Variants in AOX1 observed in about 807,000 individuals in gnomAD.
The protein encoded by AOX1 is aldehyde oxidase 1, also known as aldehyde oxidase.
A neutral mutation model predicts 169.5 loss-of-function variants in AOX1; 153 were observed. That is an observed-to-expected ratio of 0.90 (90% CI 0.79 to 1.03). The LOEUF (loss-of-function observed/expected upper bound fraction) is 1.03, where lower values mean the gene tolerates loss of function less well. AOX1 is among the 50% of genes least tolerant of loss of function. The probability of loss-of-function intolerance (pLI) is 0.00; values close to 1 mark genes in which losing one functional copy is unlikely to be tolerated. For missense variants in AOX1, 1,656 were observed against 1,663.9 expected, an observed-to-expected ratio of 1.00 and a Z score of 0.08; for synonymous variants, 562 against 581.9, an observed-to-expected ratio of 0.97 and a Z score of 0.49.
chr2:200,644,219 C>A (rs1042874358), intron 25 of AOX1, among the ~76,000 whole-genome samples: 1 of 152,200 alleles, frequency 6.6e-6, no homozygotes, highest in African/African-American at 2.4e-5. Context: ...AGTCCTTAAT[C>A]CATCTTGAGT....
At chr2:200,621,579 G>T (rs1190251364) in intron 18 of AOX1, among the ~76,000 whole-genome samples, 1 of 151,896 alleles carries the variant, frequency 6.6e-6, no homozygotes, top group African/African-American at 2.4e-5. Context: ...CCTTATTATT[G>T]TCCCAGTCTC....
intron 16 of AOX1, among the ~76,000 whole-genome samples, chr2:200,618,533 GT>G (rs199912656): frequency 1.3e-5 from 2 of 152,068 alleles, no homozygotes; most frequent in African/African-American, 4.8e-5. Flanking sequence ...AAATAATATG[GT>G]TTTTTTATTT....
chr2:200,609,329 G>A lies in AOX1; in HGVS notation c.1068G>A (p.Gly356=). Residue 356 remains glycine, a synonymous_variant, in exon 12 of 35, where the codon GGG becomes GGA. Transcript: ENST00000374700. ...CTCATTATTTTTAAAAGTCTTTAGG[G>A]GGACACATCATTAGCAGGCATCCAG... ...GSQIRNMASL[G]GHIISRHPDS... 1 of 1,613,710 alleles carries A rather than the reference G, an allele frequency of 6.2e-7. No homozygotes were observed. The highest frequency in any genetic ancestry group is 1.3e-5 in the African/African-American group (1 of 74,970).
chr2:200,652,522 G>C (rs2035599407), intron 26 of AOX1, among the ~76,000 whole-genome samples: 1 of 152,186 alleles, frequency 6.6e-6, no homozygotes, highest in Admixed American at 6.5e-5. Flanking sequence ...TAGAATTTTG[G>C]GGTAAACTGA....
chr2:200,604,650 A>C, intron 8 of AOX1, 46 bp from the exon 9 acceptor site: 1 of 1,604,714 alleles, frequency 6.2e-7, no homozygotes, highest in Non-Finnish European at 8.5e-7. Context: ...AAACAGGTGG[A>C]GATGGCATCA....
rs898613044 is a variant in AOX1 at position 200,649,380 on chromosome 2, C to T, written c.2848-1594C>T. Among the ~76,000 whole-genome samples the T allele has an allele frequency of 1.1e-4, 17 of 152,288 alleles. 1 individual carries two copies. The South Asian group carries it at 3.3e-3, about 30-fold the overall frequency. On this transcript the variant is annotated intron_variant, in intron 25 of 34. Transcript: ENST00000374700. ...TCCTGCAAACAGAATTTCAGCTTCT[C>T]CCGTGGGGGTGTGTGTCTGGGAGAG...
intron 26 of AOX1, among the ~76,000 whole-genome samples, chr2:200,655,676 C>A (rs1368220330): frequency 6.6e-6 from 1 of 152,220 alleles, no homozygotes; most frequent in East Asian, 1.9e-4. Flanking sequence ...GTCAAACTTG[C>A]CTTATTTGGA....
intron 3 of AOX1, among the ~76,000 whole-genome samples, chr2:200,595,859 A>G (rs562542982): frequency 1.3e-5 from 2 of 152,330 alleles, no homozygotes; most frequent in South Asian, 4.1e-4. Context: ...TGCATTCTCC[A>G]TACATCAGCC....
chr2:200,638,104 G>T (rs374318581), intron 22 of AOX1, 111 bp from the exon 23 acceptor site: 1 of 876,178 alleles, frequency 1.1e-6, no homozygotes, highest in Non-Finnish European at 1.8e-6. Flanking sequence ...TAGTTGTGTT[G>T]TTCTGTGAGG....
At chr2:200,596,459 TG>T (rs2034286793) in intron 3 of AOX1, among the ~76,000 whole-genome samples, 2 of 152,224 alleles carry the variant, frequency 1.3e-5, no homozygotes, top group Non-Finnish European at 2.9e-5. Context: ...AGGACCAGTA[TG>T]CTTGGAAAGT....
chr2:200,636,783 T>A (rs1574941712), intron 21 of AOX1, 128 bp from the exon 22 acceptor site: 1 of 1,054,188 alleles, frequency 9.5e-7, no homozygotes, highest in East Asian at 2.5e-5. Flanking sequence ...ATCTAGTGAC[T>A]GTCACAGTCC....
chr2:200,636,946 C>A lies in AOX1; in HGVS notation c.2382C>A (p.Asn794Lys). Residue 794 changes from asparagine (N) to lysine (K), a missense_variant, in exon 22 of 35, where the codon AAC (asparagine) becomes AAA (lysine). Physicochemically the swap from Asn to Lys is moderately conservative, Grantham distance 94 (BLOSUM62 0). Coordinates refer to ENST00000374700, the MANE Select transcript of AOX1 (RefSeq NM_001159.4). Reference sequence around the variant, plus strand: ...CCTCAACCTTGAAGCTCCCAGCTAACAAGGTCATGTGCCATGTAAGGCGTG... The same window carrying A: ...CCTCAACCTTGAAGCTCCCAGCTAAAAAGGTCATGTGCCATGTAAGGCGTG... ...IVASTLKLPA[N>K]KVMCHVRRVG... The A allele has an allele frequency of 6.2e-7, 1 of 1,614,044 alleles. No individual in the cohort carries two copies.
intron 20 of AOX1, among the ~76,000 whole-genome samples, chr2:200,634,026 C>A (rs2035178725): frequency 6.6e-6 from 1 of 152,066 alleles, no homozygotes; most frequent in South Asian, 2.1e-4. Context: ...TCCTACTCAA[C>A]CTTCACAGTA....
intron 16 of AOX1, among the ~76,000 whole-genome samples, chr2:200,618,801 T>C (rs890376951): frequency 5.3e-5 from 8 of 152,154 alleles, no homozygotes; most frequent in African/African-American, 1.9e-4. Flanking sequence ...ACCAGAGGTC[T>C]CCTCCATTTG....
At chr2:200,656,043 G>T (rs983424424) in intron 26 of AOX1, among the ~76,000 whole-genome samples, 1 of 152,210 alleles carries the variant, frequency 6.6e-6, no homozygotes, top group African/African-American at 2.4e-5. Context: ...AAAATTAGAT[G>T]TGAAGAAACC....
rs562633350 is a variant in AOX1 at position 200,622,807 on chromosome 2, T to G, written c.2002-1054T>G. ...TGTTGGTTTAATGCTTTTTAAAACA[T>G]TCATTTATGGCACTTAATGGCTTTT... On this transcript the variant is annotated intron_variant, in intron 18 of 34. Coordinates refer to ENST00000374700, the MANE Select transcript of AOX1 (RefSeq NM_001159.4). Among the ~76,000 whole-genome samples, 10 of 152,308 alleles carry G rather than the reference T, an allele frequency of 6.6e-5. No homozygotes were observed. In the South Asian group the frequency reaches 2.1e-3, roughly 32 times the overall value.
At chr2:200,593,122 AC>A in intron 1 of AOX1, 23 bp from the exon 2 acceptor site, 1 of 1,589,454 alleles carries the variant, frequency 6.3e-7, no homozygotes, top group Non-Finnish European at 8.6e-7. Context: ...CTCTCAACTA[AC>A]TCTTATTTTC....
chr2:200,648,572 C>T (rs1264433913), intron 25 of AOX1, among the ~76,000 whole-genome samples: 1 of 152,118 alleles, frequency 6.6e-6, no homozygotes, highest in Non-Finnish European at 1.5e-5. Context: ...GGCCTCCTAC[C>T]AGGAGGTGGC....
intron 4 of AOX1, among the ~76,000 whole-genome samples, chr2:200,599,142 A>G (rs1266656447): frequency 6.6e-6 from 1 of 152,266 alleles, no homozygotes; most frequent in Non-Finnish European, 1.5e-5. Flanking sequence ...GGAAACGTAT[A>G]AAAGAAATAA....
Sources: gnomAD v4.1 joint callset for allele counts (sites outside exome capture counted in the v4.1 genomes callset) on GRCh38, gnomAD v4.1.1 for gene constraint, MANE v1.5 for transcripts, NCBI Gene and HGNC (gene_info 2026-07-23, HGNC 2026-07-21) for gene names.